The following DNAH9 variants were observed in gnomAD, a reference collection of about 807,000 sequenced individuals.
The protein encoded by DNAH9 is dynein axonemal heavy chain 9.
In DNAH9, 345 loss-of-function variants were observed where a neutral mutation model predicts 471.6. That is an observed-to-expected ratio of 0.73 (90% CI 0.67 to 0.80). The LOEUF (loss-of-function observed/expected upper bound fraction) is 0.80. DNAH9 is among the 30% of genes least tolerant of loss of function. The pLI is 0.00. For missense variants in DNAH9, 5,407 were observed against 5,609.2 expected (o/e 0.96, Z 1.15); for synonymous variants, 2,093 against 2,123.6 (o/e 0.99, Z 0.40).
Position 11,608,227 on chromosome 17 carries a change from C to T in DNAH9, c.516C>T (p.Asp172=). ...GGCACGCCCACAGCCTCCAATGTGA[C>T]CTCTCAGTTATACTTGAGCAAGTGA... is the stretch of plus-strand genomic sequence containing the variant. The part of the protein sequence containing the change: ...VRRHAHSLQC[D]LSVILEQVKG... The change falls in exon 2 of 69, where the codon GAC becomes GAT. Residue 172 remains aspartate (D), a synonymous_variant. Coordinates refer to ENST00000262442, the MANE Select transcript of DNAH9 (RefSeq NM_001372.4). 1 of 1,613,990 alleles carries T rather than the reference C, an allele frequency of 6.2e-7. No homozygotes were observed. Among genetic ancestry groups the T allele is most frequent in the Admixed American group, 1.7e-5 (1 of 60,032 alleles).
intron 19 of DNAH9, among the ~76,000 whole-genome samples, 200 bp from the exon 20 acceptor site, chr17:11,689,366 G>GTT (rs56124130): frequency 6.8e-6 from 1 of 146,338 alleles, no homozygotes. Context: ...TCCTGAGTGT[G>GTT]TTTTTTTTTT....
intron 41 of DNAH9, among the ~76,000 whole-genome samples, chr17:11,785,559 T>A (rs1968837697): frequency 6.6e-6 from 1 of 152,054 alleles, no homozygotes; most frequent in African/African-American, 2.4e-5. Flanking sequence ...GTTCAGAGAC[T>A]CAAGAGCTAT....
intron 41 of DNAH9, among the ~76,000 whole-genome samples, chr17:11,786,864 C>A (rs981243437): frequency 2.0e-5 from 3 of 152,242 alleles, no homozygotes; most frequent in South Asian, 2.1e-4. Context: ...TGAGTGGAAA[C>A]CCCCTGAGGT....
rs575050041 is a variant in DNAH9 at position 11,850,942 on chromosome 17, G to A, written c.9508-3061G>A. ...AAATGGAGGTCCCTGCTCTCATGAAGAGGAGGGATACAGTAAGTCAACAAG... is the reference window on the plus strand; with the variant it reads ...AAATGGAGGTCCCTGCTCTCATGAAAAGGAGGGATACAGTAAGTCAACAAG... On this transcript the variant is annotated intron_variant, in intron 49 of 68. Coordinates refer to ENST00000262442, the MANE Select transcript of DNAH9 (RefSeq NM_001372.4). Among the ~76,000 whole-genome samples, 9 of 152,306 alleles carry A rather than the reference G, an allele frequency of 5.9e-5. No homozygotes were observed. In the South Asian group the frequency reaches 6.2e-4, roughly 11 times the overall value.
chr17:11,614,114 G>T (rs986152794), intron 4 of DNAH9, among the ~76,000 whole-genome samples: 1 of 152,170 alleles, frequency 6.6e-6, no homozygotes, highest in Non-Finnish European at 1.5e-5. Context: ...AAGAAAATTT[G>T]ATTAGAAGAG....
chr17:11,891,999 G>C (rs1973067876), intron 58 of DNAH9, 52 bp downstream of exon 58: 1 of 1,590,194 alleles, frequency 6.3e-7, no homozygotes, highest in Non-Finnish European at 8.6e-7. Flanking sequence ...TTAGTGCCCA[G>C]ACAGCAGGTG....
intron 49 of DNAH9, among the ~76,000 whole-genome samples, chr17:11,842,000 T>A (rs879399114): frequency 6.6e-6 from 1 of 152,180 alleles, no homozygotes; most frequent in African/African-American, 2.4e-5. Flanking sequence ...ATACAGTTTC[T>A]CATTATAAAC....
chr17:11,609,612 G>A (rs1347105744), intron 2 of DNAH9, among the ~76,000 whole-genome samples: 1 of 152,156 alleles, frequency 6.6e-6, no homozygotes. Flanking sequence ...AATGTGAATT[G>A]TATGTCCTCT....
chr17:11,899,067 C>T (rs1973313775), intron 59 of DNAH9, among the ~76,000 whole-genome samples: 1 of 152,022 alleles, frequency 6.6e-6, no homozygotes. Context: ...AGGTGAAACA[C>T]AATGCATTAT....
intron 35 of DNAH9, among the ~76,000 whole-genome samples, chr17:11,762,212 T>G (rs1967708236): frequency 6.6e-6 from 1 of 152,244 alleles, no homozygotes; most frequent in Non-Finnish European, 1.5e-5. Context: ...AATGGCGTGC[T>G]GTGCAGCTCT....
At chr17:11,809,448 A>G (rs1407177571) in intron 44 of DNAH9, among the ~76,000 whole-genome samples, 1 of 151,978 alleles carries the variant, frequency 6.6e-6, no homozygotes, top group Non-Finnish European at 1.5e-5. Flanking sequence ...GCACCTGTAG[A>G]TGCAGCTACT....
In DNAH9 at chr17:11,807,772, G is replaced by T. The variant is rs777381175; in HGVS notation, c.8461G>T (p.Ala2821Ser). The change falls in exon 44 of 69, where the codon GCT becomes TCT. Residue 2821 changes from alanine (A) to serine (S), a missense_variant. Coordinates refer to ENST00000262442, the MANE Select transcript of DNAH9 (RefSeq NM_001372.4). ...NRILESPRGN[A>S]LLVGVGGSGK... ...CATCTTGGAGTCCCCGCGGGGAAATGCTCTGCTGGTTGGTGTAGGTGGGAG... is the reference window on the plus strand; with the variant it reads ...CATCTTGGAGTCCCCGCGGGGAAATTCTCTGCTGGTTGGTGTAGGTGGGAG... 1 of 1,613,612 alleles carries T rather than the reference G, an allele frequency of 6.2e-7. No individual in the cohort carries two copies. Among genetic ancestry groups the T allele is most frequent in the African/African-American group, 1.3e-5 (1 of 75,034 alleles).
At chr17:11,614,728 T>C (rs867859497) in intron 4 of DNAH9, among the ~76,000 whole-genome samples, 49 of 152,338 alleles carry the variant, frequency 3.2e-4, no homozygotes, top group African/African-American at 1.2e-3. Flanking sequence ...GCCTTGTTGC[T>C]GCATCCTCCA....
intron 22 of DNAH9, 90 bp from the exon 23 acceptor site, chr17:11,699,641 A>G: frequency 6.7e-6 from 8 of 1,185,652 alleles, no homozygotes; most frequent in East Asian, 2.3e-5. Flanking sequence ...GTCTTTCACA[A>G]TGATTGCCAC....
chr17:11,835,528 T>C (rs540780433), intron 49 of DNAH9, among the ~76,000 whole-genome samples: 4 of 152,204 alleles, frequency 2.6e-5, no homozygotes, highest in African/African-American at 9.6e-5. Context: ...CACTCTTTTC[T>C]TTTCTCATTT....
rs1435212925 is a variant in DNAH9, at chr17:11,731,654, G to GT, written c.5814+3738dup. ...TATGAGTGAGAACATGCGGTGTTTGGTTTTTTGTCCTTGTGATAGTTTGCT... is the reference window on the plus strand; with the variant it reads ...TATGAGTGAGAACATGCGGTGTTTGGTTTTTTTGTCCTTGTGATAGTTTGCT... On this transcript the variant is annotated intron_variant, in intron 28 of 68. Coordinates refer to ENST00000262442, the MANE Select transcript of DNAH9 (RefSeq NM_001372.4). Among the ~76,000 whole-genome samples the GT allele has an allele frequency of 1.7e-4, 25 of 149,762 alleles. No homozygotes were observed. The Admixed American group carries it at 1.7e-3, about 10-fold the overall frequency.
At chr17:11,766,909 C>T (rs1211276147) in intron 36 of DNAH9, among the ~76,000 whole-genome samples, 2 of 151,522 alleles carry the variant, frequency 1.3e-5, no homozygotes, top group African/African-American at 4.9e-5. Context: ...GCAGAGGTTG[C>T]CGTGAGCTGA....
intron 35 of DNAH9, among the ~76,000 whole-genome samples, chr17:11,763,062 G>A (rs890862702): frequency 5.9e-5 from 9 of 151,946 alleles, no homozygotes; most frequent in Middle Eastern, 3.2e-3. Context: ...TACCGTTGAG[G>A]TGCTTTTTGA....
At chr17:11,918,546 G>A (rs1296863152) in intron 61 of DNAH9, among the ~76,000 whole-genome samples, 1 of 152,040 alleles carries the variant, frequency 6.6e-6, no homozygotes, top group Non-Finnish European at 1.5e-5. Flanking sequence ...TTCTTTAAAA[G>A]GCAAGTAAAA....
Sources: allele counts gnomAD v4.1 joint callset (sites outside exome capture counted in the v4.1 genomes callset), GRCh38; gene constraint gnomAD v4.1.1; transcripts MANE v1.5; gene names NCBI Gene and HGNC (gene_info 2026-07-23, HGNC 2026-07-21).